COL19A1: variants seen among roughly 807,000 people sequenced by gnomAD.
COL19A1 encodes the protein collagen alpha-1(XIX) chain.
Under a neutral mutation model 190.2 loss-of-function variants are expected in COL19A1, and 159 were observed. The observed-to-expected ratio is 0.84, with a 90% confidence interval of 0.73 to 0.95. COL19A1 has a LOEUF of 0.95. Among genes scored for constraint, COL19A1 ranks in the 40% least tolerant of loss-of-function variants. The pLI is 0.00. For missense variants in COL19A1, 1,418 were observed against 1,431.9 expected (o/e 0.99, Z 0.16); for synonymous variants, 509 against 458.9 (o/e 1.11, Z -1.39).
At chr6:69,873,384 G>C (rs1767948959) in intron 1 of COL19A1, among the ~76,000 whole-genome samples, 1 of 152,190 alleles carries the variant, frequency 6.6e-6, no homozygotes, top group African/African-American at 2.4e-5. Flanking sequence ...GCTGTTTGCA[G>C]GCATTATGGA....
chr6:70,167,029 C>T (rs802177), intron 37 of COL19A1, among the ~76,000 whole-genome samples: 10,471 of 152,224 alleles, frequency 0.069, 1,203 homozygotes, highest in African/African-American at 0.23. Flanking sequence ...GGGAAACCTC[C>T]TTTGGAAATC....
At chr6:69,892,338 T>C (rs536535517) in intron 2 of COL19A1, among the ~76,000 whole-genome samples, 1 of 152,306 alleles carries the variant, frequency 6.6e-6, no homozygotes, top group South Asian at 2.1e-4. Flanking sequence ...TAGCCTAAAA[T>C]GTAAGCGAAA....
chr6:70,087,618 G>T (rs1341807415), intron 15 of COL19A1, among the ~76,000 whole-genome samples: 1 of 152,104 alleles, frequency 6.6e-6, no homozygotes, highest in Non-Finnish European at 1.5e-5. Flanking sequence ...GTAAAATCTA[G>T]ACTGTTCATT....
intron 2 of COL19A1, among the ~76,000 whole-genome samples, chr6:69,885,263 A>G (rs1253564944): frequency 2.0e-5 from 3 of 152,228 alleles, no homozygotes; most frequent in South Asian, 2.1e-4. Flanking sequence ...TTAACATCTT[A>G]GTATGAATTT....
chr6:69,918,748 C>T lies in COL19A1; in HGVS notation c.267-9161C>T, dbSNP rs532794077. Among the ~76,000 whole-genome samples, 9 of 151,962 alleles carry T rather than the reference C, an allele frequency of 5.9e-5. No homozygotes were observed. In the South Asian group the frequency reaches 6.2e-4, roughly 11 times the overall value. ...AAATAAAACACAAAAACCAGTAAGA[C>T]TTGCTGATGGGTTAGATAGGATGGG... On this transcript the variant is annotated intron_variant, in intron 4 of 50. Transcript: ENST00000620364.
At chr6:69,881,232 T>C (rs1340400575) in intron 2 of COL19A1, among the ~76,000 whole-genome samples, 1 of 152,228 alleles carries the variant, frequency 6.6e-6, no homozygotes, top group Non-Finnish European at 1.5e-5. Flanking sequence ...AGAGAAACAC[T>C]TACCTTTGGG....
intron 9 of COL19A1, among the ~76,000 whole-genome samples, chr6:69,956,444 G>A (rs533271444): frequency 6.6e-6 from 1 of 151,352 alleles, no homozygotes; most frequent in South Asian, 2.1e-4. Context: ...AATATAGAAG[G>A]AAAAAATTCT....
chr6:69,897,143 A>G (rs1049219136), intron 2 of COL19A1, among the ~76,000 whole-genome samples: 1 of 152,056 alleles, frequency 6.6e-6, no homozygotes, highest in Non-Finnish European at 1.5e-5. Context: ...ATCTTTAGTT[A>G]GTTTTTGTGC....
intron 4 of COL19A1, among the ~76,000 whole-genome samples, chr6:69,912,113 C>T (rs1770968735): frequency 6.6e-6 from 1 of 152,116 alleles, no homozygotes; most frequent in East Asian, 1.9e-4. Context: ...TCTGTCATAC[C>T]ATGCCCACCT....
In COL19A1 at chr6:70,102,153, C is replaced by G; in HGVS notation, c.1225-16C>G. 6.2e-7 allele frequency: 1 copy of G among 1,608,038 alleles called. No individual in the cohort carries two copies. Among genetic ancestry groups the G allele is most frequent in the East Asian group, 2.2e-5 (1 of 44,814 alleles). Reference sequence around the variant, plus strand: ...GGAGTCACAGTATTTATCATCTATTCTTCTTTGGTTTCAAGGGAAGACGAG... The same window carrying G: ...GGAGTCACAGTATTTATCATCTATTGTTCTTTGGTTTCAAGGGAAGACGAG... On this transcript the variant is annotated splice_polypyrimidine_tract_variant and intron_variant, in intron 15 of 50. Transcript: ENST00000620364.
At chr6:69,995,421 A>G (rs1040599460) in intron 11 of COL19A1, among the ~76,000 whole-genome samples, 8 of 152,174 alleles carry the variant, frequency 5.3e-5, no homozygotes, top group African/African-American at 1.7e-4. Context: ...TACAAATGTC[A>G]GTTAGGTAGC....
intron 15 of COL19A1, among the ~76,000 whole-genome samples, chr6:70,100,693 T>C (rs2150186303): frequency 6.6e-6 from 1 of 151,952 alleles, no homozygotes; most frequent in South Asian, 2.1e-4. Flanking sequence ...ATGAGGTTTC[T>C]CCATGTTGGC....
intron 14 of COL19A1, among the ~76,000 whole-genome samples, chr6:70,047,493 T>C (rs1407372061): frequency 6.6e-6 from 1 of 152,148 alleles, no homozygotes; most frequent in Non-Finnish European, 1.5e-5. Flanking sequence ...AAATATTTCA[T>C]GGTTTAATCA....
Position 70,199,893 on chromosome 6 carries a change from C to T in COL19A1, c.3223+157C>T, listed in dbSNP as rs568214302. ...TATATAAAATGGTTTCATATGTAAT[C>T]TCTTTATAATATTTGACATTCTAGA... On this transcript the variant is annotated intron_variant, in intron 49 of 50. Transcript: ENST00000620364. The T allele has an allele frequency of 1.9e-4, 128 of 686,660 alleles. No homozygotes were observed. The African/African-American group carries it at 2.2e-3, about 12-fold the overall frequency. The allele number at this position is 686,660 out of a possible 1,614,324, so 42.5% of individuals were successfully genotyped here.
chr6:70,137,560 T>A (rs1785946355), intron 18 of COL19A1, 125 bp from the exon 19 acceptor site: 1 of 830,812 alleles, frequency 1.2e-6, no homozygotes, highest in Non-Finnish European at 1.9e-6. Context: ...CTTTGCATTG[T>A]CTGTTGGATG....
chr6:70,047,987 T>C (rs1779999180), intron 14 of COL19A1, among the ~76,000 whole-genome samples: 1 of 152,132 alleles, frequency 6.6e-6, no homozygotes, highest in East Asian at 1.9e-4. Flanking sequence ...CCATGTCTCT[T>C]TGGGAAGTTA....
chr6:69,969,526 A>C (rs1425115726), intron 11 of COL19A1, among the ~76,000 whole-genome samples: 3 of 152,222 alleles, frequency 2.0e-5, no homozygotes, highest in Non-Finnish European at 4.4e-5. Context: ...TGAATCAAAA[A>C]TAAATATTGA....
At chr6:69,894,748 T>C (rs770844705) in intron 2 of COL19A1, among the ~76,000 whole-genome samples, 3 of 152,168 alleles carry the variant, frequency 2.0e-5, no homozygotes, top group African/African-American at 4.8e-5. Context: ...TTACAGGCCA[T>C]GCCCCCAGGA....
At chr6:69,914,802 G>T (rs1771187643) in intron 4 of COL19A1, among the ~76,000 whole-genome samples, 1 of 152,140 alleles carries the variant, frequency 6.6e-6, no homozygotes, top group Non-Finnish European at 1.5e-5. Flanking sequence ...TAAACACTTT[G>T]CTATGTGAAT....
Sources: gnomAD v4.1 joint callset for allele counts (sites outside exome capture counted in the v4.1 genomes callset) on GRCh38, gnomAD v4.1.1 for gene constraint, MANE v1.5 for transcripts, NCBI Gene and HGNC (gene_info 2026-07-23, HGNC 2026-07-21) for gene names.